MEGF9: variants seen among roughly 807,000 people sequenced by gnomAD.
MEGF9 encodes multiple EGF like domains 9, also known as multiple epidermal growth factor-like domains protein 9.
Under a neutral mutation model 46.8 loss-of-function variants are expected in MEGF9, and 6 were observed. The ratio of observed to expected loss-of-function variants is 0.13; its 90% CI spans 0.07 to 0.25. MEGF9 has a LOEUF of 0.25. Among genes scored for constraint, MEGF9 ranks in the 10% least tolerant of loss-of-function variants. The pLI is 1.00. For synonymous variants in MEGF9, 302 were observed against 330.7 expected (o/e 0.91, Z 0.94); for missense variants, 683 against 792.4 (o/e 0.86, Z 1.66).
At position 120,627,328 on chromosome 9, in the gene MEGF9, G is replaced by A. The variant is rs575954358; in HGVS notation, c.804-4573C>T. Among the ~76,000 whole-genome samples the A allele has an allele frequency of 2.0e-5, 3 of 152,184 alleles. No homozygotes were observed. In the South Asian group the frequency reaches 6.2e-4, roughly 32 times the overall value. On this transcript the variant is annotated intron_variant, in intron 2 of 5. Coordinates refer to ENST00000373930, the MANE Select transcript of MEGF9 (RefSeq NM_001080497.3). Reference sequence around the variant, plus strand: ...TGTTAAATGTCTTGGCATGTTTTTTGTTATCAAGAAAGTCTATTTTCTTCC... The same window carrying A: ...TGTTAAATGTCTTGGCATGTTTTTTATTATCAAGAAAGTCTATTTTCTTCC...
At chr9:120,639,335 C>T (rs2043592045) in intron 2 of MEGF9, among the ~76,000 whole-genome samples, 1 of 151,524 alleles carries the variant, frequency 6.6e-6, no homozygotes, top group South Asian at 2.1e-4. Context: ...ATGGTGAGAC[C>T]CTGTCTCCAC....
intron 4 of MEGF9, among the ~76,000 whole-genome samples, chr9:120,608,999 C>T (rs2043432718): frequency 6.6e-6 from 1 of 152,152 alleles, no homozygotes; most frequent in Admixed American, 6.6e-5. Context: ...TCACAATGCA[C>T]CCCTACATTC....
At chr9:120,665,246 C>T (rs2043720004) in intron 1 of MEGF9, among the ~76,000 whole-genome samples, 2 of 151,916 alleles carry the variant, frequency 1.3e-5, no homozygotes, top group South Asian at 4.2e-4. Context: ...CACTCTGTAG[C>T]CTAGGCTGGA....
chr9:120,627,845 T>C (rs1040256152), intron 2 of MEGF9, among the ~76,000 whole-genome samples: 2 of 152,222 alleles, frequency 1.3e-5, no homozygotes, highest in East Asian at 3.8e-4. Flanking sequence ...CCTCAGACAT[T>C]ACACATGTTG....
chr9:120,624,688 A>G lies in MEGF9; in HGVS notation c.804-1933T>C, dbSNP rs146425272. 7.2e-3 allele frequency among the ~76,000 whole-genome samples: 1,101 copies of G among 152,198 alleles called. 11 individuals are homozygous for G. The highest frequency in any genetic ancestry group is 0.025 in the African/African-American group (1,033 of 41,520). On this transcript the variant is annotated intron_variant, in intron 2 of 5. Coordinates refer to ENST00000373930, the MANE Select transcript of MEGF9 (RefSeq NM_001080497.3). ...TCAAGACCAGTGATCAGCCTGGCCA[A>G]CATGGTGAAACCCCGTCTCTACCAA...
chr9:120,680,037 C>T (rs1412017230), intron 1 of MEGF9, among the ~76,000 whole-genome samples: 1 of 151,886 alleles, frequency 6.6e-6, no homozygotes, highest in African/African-American at 2.4e-5. Context: ...ATTTCAATTT[C>T]TGTTAAACGT....
At chr9:120,685,177 G>A (rs2043816910) in intron 1 of MEGF9, among the ~76,000 whole-genome samples, 1 of 152,212 alleles carries the variant, frequency 6.6e-6, no homozygotes, top group Non-Finnish European at 1.5e-5. Context: ...GCATCAAGAT[G>A]TTGAAGATTT....
At chr9:120,618,605 T>C (rs1286269763) in intron 3 of MEGF9, among the ~76,000 whole-genome samples, 1 of 152,058 alleles carries the variant, frequency 6.6e-6, no homozygotes, top group African/African-American at 2.4e-5. Context: ...AATCTCTCAT[T>C]AAGATTTTTA....
At chr9:120,639,381 C>T (rs138952764) in intron 2 of MEGF9, among the ~76,000 whole-genome samples, 2 of 151,770 alleles carry the variant, frequency 1.3e-5, no homozygotes, top group African/African-American at 4.8e-5. Flanking sequence ...TGGCGGCATG[C>T]GCTTGTAATC....
At position 120,711,844 on chromosome 9, in the gene MEGF9, T is replaced by TACACACACACACAC. The variant is rs924373123; in HGVS notation, c.601+1900_601+1913dup. 2.2e-4 allele frequency among the ~76,000 whole-genome samples: 31 copies of TACACACACACACAC among 143,562 alleles called. 1 individual carries two copies. The highest frequency in any genetic ancestry group is 7.2e-4 in the African/African-American group (28 of 38,898). 94.2% of individuals were successfully genotyped at this position (143,562 alleles called of 152,430 possible). ...CAAATGCTTTCTATACATACATACATACACACACACACACACACACACACA... is the reference window on the plus strand; with the variant it reads ...CAAATGCTTTCTATACATACATACATACACACACACACACACACACACACACACACACACACACA... On this transcript the variant is annotated intron_variant, in intron 1 of 5. Coordinates refer to ENST00000373930, the MANE Select transcript of MEGF9 (RefSeq NM_001080497.3).
intron 3 of MEGF9, among the ~76,000 whole-genome samples, chr9:120,619,035 C>CTA (rs1347083313): frequency 6.6e-6 from 1 of 151,844 alleles, no homozygotes; most frequent in Non-Finnish European, 1.5e-5. Flanking sequence ...TCTCATATTG[C>CTA]TATATATCAT....
At chr9:120,663,247 A>G (rs1013544428) in intron 1 of MEGF9, among the ~76,000 whole-genome samples, 2 of 152,226 alleles carry the variant, frequency 1.3e-5, no homozygotes, top group African/African-American at 4.8e-5. Context: ...TGTAACTCAG[A>G]ACTTAAGGCC....
intron 2 of MEGF9, among the ~76,000 whole-genome samples, chr9:120,649,900 T>C (rs1219583081): frequency 6.6e-6 from 1 of 152,208 alleles, no homozygotes; most frequent in East Asian, 1.9e-4. Context: ...TATTATCCAA[T>C]ACAGAATTTC....
chr9:120,699,687 C>T (rs1436199918), intron 1 of MEGF9, among the ~76,000 whole-genome samples: 1 of 143,580 alleles, frequency 7.0e-6, no homozygotes, highest in Admixed American at 7.2e-5. Flanking sequence ...CACACTACTG[C>T]ACTCTAACCC....
At chr9:120,623,966 T>C (rs1305441612) in intron 2 of MEGF9, among the ~76,000 whole-genome samples, 31 of 152,250 alleles carry the variant, frequency 2.0e-4, no homozygotes, top group Admixed American at 1.9e-3. Flanking sequence ...AATGATGGTG[T>C]TTGCCTAACC....
At chr9:120,628,465 GTTGTTTTTTTTTTT>G (rs371327106) in intron 2 of MEGF9, among the ~76,000 whole-genome samples, 687 of 52,796 alleles carry the variant, frequency 0.013, 8 homozygotes, top group African/African-American at 0.036. Flanking sequence ...AATTCTTGTC[GTTGTTTTTTTTTTT>G]TTTTTTTTTT....
chr9:120,613,391 C>T (rs2043457619), intron 3 of MEGF9, among the ~76,000 whole-genome samples: 1 of 151,122 alleles, frequency 6.6e-6, no homozygotes, highest in South Asian at 2.1e-4. Context: ...GAAAAGAGGA[C>T]CTCAACTTTA....
chr9:120,622,715 T>C lies in MEGF9; in HGVS notation c.844A>G (p.Ile282Val), dbSNP rs201374644. ...CQCKVGVIGS[I>V]CDRCQDGYYG... ...TATCCATCTTGGCATCGGTCACATA[T>C]AGAGCCAATGACACCCACTTTGCAC... The change falls in exon 3 of 6, where the codon ATA becomes GTA. Residue 282 changes from isoleucine to valine, a missense_variant. Ile to Val is a conservative substitution (Grantham distance 29). Around this residue, in one of 2 missense-constraint regions of MEGF9, gnomAD observed 313 missense variants for 421.1 expected, o/e 0.74. Transcript: ENST00000373930. 1.1e-5 allele frequency: 17 copies of C among 1,613,730 alleles called. No homozygotes were observed. Among genetic ancestry groups the C allele is most frequent in the Middle Eastern group, 3.3e-4 (2 of 6,084 alleles).
intron 1 of MEGF9, among the ~76,000 whole-genome samples, chr9:120,686,950 T>C (rs1288891210): frequency 6.6e-6 from 1 of 150,822 alleles, no homozygotes; most frequent in South Asian, 2.1e-4. Flanking sequence ...AAATAGTTTG[T>C]GTGTGTGTGT....
Sources: allele counts gnomAD v4.1 joint callset (sites outside exome capture counted in the v4.1 genomes callset), GRCh38; gene constraint gnomAD v4.1.1; regional missense constraint gnomAD v4.1.1; transcripts MANE v1.5; gene names NCBI Gene and HGNC (gene_info 2026-07-23, HGNC 2026-07-21).